The following PDGFD variants were observed in gnomAD, a reference collection of about 807,000 sequenced individuals.
PDGFD encodes platelet derived growth factor D, also known as platelet-derived growth factor D.
PDGFD carries 30 observed loss-of-function variants against 44.7 expected under a neutral mutation model. The observed-to-expected ratio is 0.67, with a 90% CI of 0.50 to 0.91. PDGFD has a LOEUF of 0.91. Ranked by LOEUF, PDGFD falls within the 40% of genes least tolerant of loss-of-function variation. PDGFD has a pLI of 0.00. For synonymous variants in PDGFD, 173 were observed against 168.4 expected, an observed-to-expected ratio of 1.03 and a Z score of -0.21; for missense variants, 445 against 457.8, an observed-to-expected ratio of 0.97 and a Z score of 0.25.
chr11:104,101,994 T>A (rs1422618309), intron 1 of PDGFD, among the ~76,000 whole-genome samples: 1 of 152,088 alleles, frequency 6.6e-6, no homozygotes, highest in African/African-American at 2.4e-5. Context: ...ACCTAGGCAA[T>A]ACCATTCAGG....
intron 1 of PDGFD, among the ~76,000 whole-genome samples, chr11:104,118,256 C>A (rs952349451): frequency 6.6e-6 from 1 of 151,650 alleles, no homozygotes; most frequent in Non-Finnish European, 1.5e-5. Context: ...GTGGAGCCCT[C>A]ATGAATGGAA....
At chr11:104,120,523 T>C (rs1861762630) in intron 1 of PDGFD, among the ~76,000 whole-genome samples, 1 of 151,936 alleles carries the variant, frequency 6.6e-6, no homozygotes, top group Non-Finnish European at 1.5e-5. Flanking sequence ...ATCCTTTTTG[T>C]TATTCAATAT....
At chr11:103,928,624 A>G (rs896852448) in intron 5 of PDGFD, among the ~76,000 whole-genome samples, 8 of 152,208 alleles carry the variant, frequency 5.3e-5, no homozygotes, top group Non-Finnish European at 8.8e-5. Context: ...TTTATCCCCA[A>G]TTGTCATACG....
At chr11:104,116,619 G>C (rs1423770411) in intron 1 of PDGFD, among the ~76,000 whole-genome samples, 1 of 151,926 alleles carries the variant, frequency 6.6e-6, no homozygotes, top group African/African-American at 2.4e-5. Flanking sequence ...GATGAACATA[G>C]ATGCAAAAAT....
chr11:104,009,194 G>C (rs1479572782), intron 1 of PDGFD, among the ~76,000 whole-genome samples: 1 of 151,998 alleles, frequency 6.6e-6, no homozygotes, highest in African/African-American at 2.4e-5. Flanking sequence ...AGTAGCACCA[G>C]AGCCAGGCCC....
intron 1 of PDGFD, among the ~76,000 whole-genome samples, chr11:104,069,918 G>A (rs749308289): frequency 1.3e-5 from 2 of 152,162 alleles, no homozygotes; most frequent in African/African-American, 2.4e-5. Flanking sequence ...TTATCAGATG[G>A]CTTTCTCCTG....
At chr11:104,091,721 T>C (rs1861214987) in intron 1 of PDGFD, among the ~76,000 whole-genome samples, 1 of 152,204 alleles carries the variant, frequency 6.6e-6, no homozygotes, top group Admixed American at 6.5e-5. Flanking sequence ...CTATAATAAA[T>C]AATTATAATA....
intron 3 of PDGFD, among the ~76,000 whole-genome samples, chr11:103,979,669 C>T: frequency 6.6e-6 from 1 of 152,006 alleles, no homozygotes; most frequent in East Asian, 1.9e-4. Context: ...AACTTTTGGG[C>T]ATTTGGTAAG....
intron 1 of PDGFD, among the ~76,000 whole-genome samples, chr11:104,043,619 T>G (rs1860394306): frequency 6.6e-6 from 1 of 152,112 alleles, no homozygotes; most frequent in Non-Finnish European, 1.5e-5. Flanking sequence ...GTAAAGAAGT[T>G]TATTTGGCTC....
At chr11:104,027,490 T>C (rs1385249439) in intron 1 of PDGFD, among the ~76,000 whole-genome samples, 14 of 152,332 alleles carry the variant, frequency 9.2e-5, no homozygotes, top group South Asian at 2.1e-4. Flanking sequence ...CAAAATCCTA[T>C]GGAAAAGAGA....
At chr11:104,035,401 C>T (rs1860209631) in intron 1 of PDGFD, among the ~76,000 whole-genome samples, 1 of 152,068 alleles carries the variant, frequency 6.6e-6, no homozygotes. Context: ...AGCAACAGCT[C>T]CCTCTTTGAA....
rs1238618306 is a variant in PDGFD, at chr11:103,908,743, G to A, written c.*951C>T. On this transcript the variant is annotated 3_prime_UTR_variant, in exon 7 of 7. Transcript: ENST00000393158. ...ATCCCACCTAATTTCCAGTTACGTC[G>A]ATGTTTCAATGTTCACTTTTTAAGT... is the stretch of plus-strand genomic sequence containing the variant. 2.0e-5 allele frequency: 3 copies of A among 152,032 alleles called. No homozygotes were observed. Among genetic ancestry groups the A allele is most frequent in the Non-Finnish European group, 4.4e-5 (3 of 67,994 alleles). The allele number at this position is 152,032 out of a possible 1,614,324, so 9.4% of individuals were successfully genotyped here. A position where few individuals can be genotyped will look rare whatever the true frequency, so the allele number is the denominator to read the frequency against.
chr11:104,007,467 T>C, intron 1 of PDGFD, among the ~76,000 whole-genome samples: 1 of 152,178 alleles, frequency 6.6e-6, no homozygotes, highest in East Asian at 1.9e-4. Context: ...CATGACAACA[T>C]AAGATGCAAA....
At chr11:104,072,407 T>C (rs1253985465) in intron 1 of PDGFD, among the ~76,000 whole-genome samples, 2 of 151,892 alleles carry the variant, frequency 1.3e-5, no homozygotes, top group Admixed American at 6.6e-5. Context: ...TATAATAAGA[T>C]ATTATTTTAT....
intron 1 of PDGFD, among the ~76,000 whole-genome samples, chr11:104,019,626 C>T (rs1387212950): frequency 6.6e-6 from 1 of 152,046 alleles, no homozygotes; most frequent in Admixed American, 6.6e-5. Context: ...ATTCTGAGCG[C>T]CAACTCCAAA....
rs989323582 is a variant in PDGFD at position 103,995,985 on chromosome 11, G to A, written c.510+80C>T. 5.4e-6 allele frequency: 7 copies of A among 1,292,582 alleles called. No individual in the cohort carries two copies. In the African/African-American group the frequency reaches 9.0e-5, roughly 17 times the overall value. The allele number at this position is 1,292,582 out of a possible 1,614,324, so 80.1% of individuals were successfully genotyped here. Reference sequence around the variant, plus strand: ...CTAATAAAGTTCACTCACCCTCACTGAATTTGATCATAGAAAATTGATCTC... The same window carrying A: ...CTAATAAAGTTCACTCACCCTCACTAAATTTGATCATAGAAAATTGATCTC... On this transcript the variant is annotated intron_variant, in intron 3 of 6. Coordinates refer to ENST00000393158, the MANE Select transcript of PDGFD (RefSeq NM_025208.5).
At chr11:104,015,555 A>T (rs1859848604) in intron 1 of PDGFD, among the ~76,000 whole-genome samples, 1 of 152,212 alleles carries the variant, frequency 6.6e-6, no homozygotes. Context: ...ACATAGGAAA[A>T]TCATCTATTT....
chr11:103,914,070 T>G (rs1858074369), intron 6 of PDGFD, among the ~76,000 whole-genome samples: 1 of 152,128 alleles, frequency 6.6e-6, no homozygotes, highest in African/African-American at 2.4e-5. Context: ...TACACCACCC[T>G]CTGTATTTAT....
chr11:104,079,780 T>A (rs1433853860), intron 1 of PDGFD, among the ~76,000 whole-genome samples: 3 of 134,486 alleles, frequency 2.2e-5, no homozygotes, highest in Admixed American at 1.5e-4. Flanking sequence ...AGGTGAAAAA[T>A]TAATCTTTGC....
Sources: allele counts gnomAD v4.1 joint callset (sites outside exome capture counted in the v4.1 genomes callset), GRCh38; gene constraint gnomAD v4.1.1; transcripts MANE v1.5; gene names NCBI Gene and HGNC (gene_info 2026-07-23, HGNC 2026-07-21).